The following GXYLT1 variants were observed in gnomAD, a reference collection of about 807,000 sequenced individuals.
GXYLT1 encodes the protein glycosyltransferase 8 domain containing 3.
A neutral mutation model predicts 54.0 loss-of-function variants in GXYLT1; 29 were observed. The ratio of observed to expected loss-of-function variants is 0.54; its 90% CI spans 0.40 to 0.73. GXYLT1 has a LOEUF of 0.73. GXYLT1 is among the 30% of genes least tolerant of loss of function. The pLI, the probability that GXYLT1 is intolerant of heterozygous loss-of-function variation, is 0.00. For synonymous variants in GXYLT1, 176 were observed against 204.1 expected (o/e 0.86, Z 1.17); for missense variants, 490 against 553.4 (o/e 0.89, Z 1.15).
intron 7 of GXYLT1, among the ~76,000 whole-genome samples, chr12:42,096,084 GATATA>G (rs770666956): frequency 5.3e-5 from 8 of 152,166 alleles, no homozygotes; most frequent in East Asian, 1.9e-4. Flanking sequence ...GAAGAAAGAA[GATATA>G]ATATAGAGTA....
chr12:42,112,490 C>A (rs979456229), intron 3 of GXYLT1, among the ~76,000 whole-genome samples: 1 of 152,074 alleles, frequency 6.6e-6, no homozygotes, highest in African/African-American at 2.4e-5. Flanking sequence ...AGCTATGTGA[C>A]AAATGCAGAA....
At chr12:42,115,099 C>T (rs1218034116) in intron 3 of GXYLT1, among the ~76,000 whole-genome samples, 1 of 152,184 alleles carries the variant, frequency 6.6e-6, no homozygotes, top group Non-Finnish European at 1.5e-5. Context: ...GCTAAAAACT[C>T]TCAATAAATT....
At chr12:42,120,680 G>A (rs1017630168) in intron 2 of GXYLT1, among the ~76,000 whole-genome samples, 2 of 149,640 alleles carry the variant, frequency 1.3e-5, no homozygotes, top group African/African-American at 4.9e-5. Context: ...ACAGATGTGC[G>A]ACCACCATGT....
intron 1 of GXYLT1, among the ~76,000 whole-genome samples, chr12:42,131,148 A>G (rs1455368298): frequency 3.9e-5 from 6 of 152,188 alleles, no homozygotes; most frequent in Non-Finnish European, 7.3e-5. Flanking sequence ...AACACCTTAC[A>G]TTACAAAAAA....
In GXYLT1 at chr12:42,106,085, T is replaced by C; in HGVS notation, c.613-16A>G. The C allele has an allele frequency of 7.0e-7, 1 of 1,437,010 alleles. No individual in the cohort carries two copies. Among genetic ancestry groups the C allele is most frequent in the South Asian group, 1.4e-5 (1 of 70,230 alleles). The allele number at this position is 1,437,010 out of a possible 1,614,324, so 89.0% of individuals were successfully genotyped here. A position where few individuals can be genotyped will look rare whatever the true frequency, so the allele number is the denominator to read the frequency against. ...TCAGGATTAACTACAAGGAGAGATA[T>C]TTGAATGATTAACTATAATTCTATT... On this transcript the variant is annotated splice_polypyrimidine_tract_variant and intron_variant, in intron 4 of 7. Transcript: ENST00000398675.
At chr12:42,137,416 G>A (rs1478862710) in intron 1 of GXYLT1, among the ~76,000 whole-genome samples, 1 of 147,886 alleles carries the variant, frequency 6.8e-6, no homozygotes, top group African/African-American at 2.5e-5. Context: ...GCTAAGGCAG[G>A]AGAATCGCTT....
Position 42,144,861 on chromosome 12 carries a change from T to C in GXYLT1, c.-215A>G, listed in dbSNP as rs1044491453. On this transcript the variant is annotated 5_prime_UTR_variant, in exon 1 of 8. Transcript: ENST00000398675. Reference sequence around the variant, plus strand: ...CCGAAGGACTACCCGCCCGGAAGCCTGGACACCGCCTCTGCCGCCGCGCGC... The same window carrying C: ...CCGAAGGACTACCCGCCCGGAAGCCCGGACACCGCCTCTGCCGCCGCGCGC... The C allele has an allele frequency of 1.2e-5, 4 of 329,458 alleles. No individual in the cohort carries two copies. Among genetic ancestry groups the C allele is most frequent in the South Asian group, 7.8e-5 (1 of 12,770 alleles). The allele number at this position is 329,458 out of a possible 1,614,324, so 20.4% of individuals were successfully genotyped here. A position where few individuals can be genotyped will look rare whatever the true frequency, so the allele number is the denominator to read the frequency against.
intron 2 of GXYLT1, 93 bp from the exon 3 acceptor site, chr12:42,119,264 G>C: frequency 9.3e-7 from 1 of 1,069,888 alleles, no homozygotes; most frequent in Non-Finnish European, 1.4e-6. Flanking sequence ...CTCAAAGCCA[G>C]ATGTTGTGAC....
At position 42,097,459 on chromosome 12, in the gene GXYLT1, A is replaced by C. The variant is rs774219341; in HGVS notation, c.1144T>G (p.Tyr382Asp). 2 of 1,582,896 alleles carry C rather than the reference A, an allele frequency of 1.3e-6. No individual in the cohort carries two copies. The highest frequency in any genetic ancestry group is 1.7e-6 in the Non-Finnish European group (2 of 1,172,772). The change falls in exon 7 of 8, where the codon TAT becomes GAT. Residue 382 changes from tyrosine (Y) to aspartate (D), a missense_variant. Tyr to Asp is a radical substitution (Grantham distance 160). This residue lies in a region of GXYLT1 where 342 missense variants were observed against 342.6 expected (regional missense o/e 1.00). Transcript: ENST00000398675. Reference sequence around the variant, plus strand: ...AATCTTACATTTCTCAGTGCTTCATAAACAGCTCTAAATGCTGGTTGCTTA... The same window carrying C: ...AATCTTACATTTCTCAGTGCTTCATCAACAGCTCTAAATGCTGGTTGCTTA... ...DDKQPAFRAV[Y>D]EALRNCSFED...
intron 6 of GXYLT1, 107 bp from the exon 7 acceptor site, chr12:42,097,721 A>C: frequency 8.8e-7 from 1 of 1,140,596 alleles, no homozygotes; most frequent in Non-Finnish European, 1.3e-6. Flanking sequence ...AGTAAGAATT[A>C]ATGAAAAATG....
intron 5 of GXYLT1, among the ~76,000 whole-genome samples, chr12:42,098,760 C>CATATATAT (rs60199719): frequency 0.018 from 1,742 of 96,870 alleles, 98 homozygotes; most frequent in Middle Eastern, 0.035. Context: ...AAATTTAAAA[C>CATATATAT]ATATATATAT....
At chr12:42,125,534 A>G (rs1180360269) in intron 2 of GXYLT1, among the ~76,000 whole-genome samples, 5 of 152,178 alleles carry the variant, frequency 3.3e-5, no homozygotes, top group Non-Finnish European at 7.3e-5. Context: ...GAGATCAAAG[A>G]GCTGAGTAAC....
intron 7 of GXYLT1, among the ~76,000 whole-genome samples, chr12:42,090,904 A>G (rs1342724574): frequency 6.6e-6 from 1 of 152,238 alleles, no homozygotes; most frequent in Non-Finnish European, 1.5e-5. Flanking sequence ...GTAATTTTTA[A>G]ACATTTTTAT....
Position 42,097,577 on chromosome 12 carries a change from T to C in GXYLT1, c.1026A>G (p.Arg342=). The change falls in exon 7 of 8, where the codon CGA becomes CGG. Residue 342 remains arginine, a synonymous_variant. Transcript: ENST00000398675. ...LFVFPCQWNY[R]PDHCIYGSNC... The stretch of plus-strand genomic sequence containing the variant: ...TGCTTCCATATATACAATGATCTGG[T>C]CGATAATTCCATTGACACGGAAAAA... The C allele has an allele frequency of 6.2e-7, 1 of 1,607,622 alleles. No individual in the cohort carries two copies. Among genetic ancestry groups the C allele is most frequent in the East Asian group, 2.2e-5 (1 of 44,740 alleles).
At chr12:42,099,519 G>A (rs548253758) in intron 5 of GXYLT1, among the ~76,000 whole-genome samples, 1 of 152,108 alleles carries the variant, frequency 6.6e-6, no homozygotes, top group Non-Finnish European at 1.5e-5. Flanking sequence ...ATGGGGGCTT[G>A]TTATTCCTCC....
chr12:42,091,369 A>C (rs965959071), intron 7 of GXYLT1, among the ~76,000 whole-genome samples: 5 of 152,192 alleles, frequency 3.3e-5, no homozygotes, highest in African/African-American at 1.2e-4. Flanking sequence ...TATAAACCAA[A>C]GAAAAGATCA....
At chr12:42,111,892 G>A (rs146908320) in intron 3 of GXYLT1, among the ~76,000 whole-genome samples, 141 of 152,332 alleles carry the variant, frequency 9.3e-4, no homozygotes, top group Middle Eastern at 3.4e-3. Context: ...CCCCACTGTA[G>A]GGGCGGACTG....
At chr12:42,144,000 ACT>A (rs1297642956) in intron 1 of GXYLT1, among the ~76,000 whole-genome samples, 1 of 151,996 alleles carries the variant, frequency 6.6e-6, no homozygotes, top group Non-Finnish European at 1.5e-5. Flanking sequence ...ACACATATAC[ACT>A]CACACACACA....
rs1229224707 is a variant in GXYLT1 at position 42,083,325 on chromosome 12, T to G, written c.*4461A>C. 1 of 147,572 alleles carries G rather than the reference T, an allele frequency of 6.8e-6. No individual in the cohort carries two copies. Among genetic ancestry groups the G allele is most frequent in the African/African-American group, 2.5e-5 (1 of 39,984 alleles). 9.1% of individuals were successfully genotyped at this position (147,572 alleles called of 1,614,324 possible). ...TTTTAATAGGCAAAAAAGGGTTGCT[T>G]TGGCAATGGATAAAAGAATAACTGT... On this transcript the variant is annotated 3_prime_UTR_variant, in exon 8 of 8. Transcript: ENST00000398675.
Sources: gnomAD v4.1 joint callset for allele counts (sites outside exome capture counted in the v4.1 genomes callset) on GRCh38, gnomAD v4.1.1 for gene constraint, gnomAD v4.1.1 regional missense constraint, MANE v1.5 for transcripts, NCBI Gene and HGNC (gene_info 2026-07-23, HGNC 2026-07-21) for gene names.